Variants in ZNRF1 observed in about 807,000 individuals in gnomAD.
ZNRF1 encodes the protein E3 ubiquitin-protein ligase ZNRF1.
ZNRF1 carries 3 observed loss-of-function variants against 18.4 expected under a neutral mutation model. The ratio of observed to expected loss-of-function variants is 0.16; its 90% CI spans 0.07 to 0.42. The LOEUF (loss-of-function observed/expected upper bound fraction) is 0.42. Among genes scored for constraint, ZNRF1 ranks in the 10% least tolerant of loss-of-function variants. ZNRF1 has a pLI of 0.99. For synonymous variants in ZNRF1, 157 were observed against 144.2 expected, an observed-to-expected ratio of 1.09 and a Z score of -0.64; for missense variants, 310 against 329.8, an observed-to-expected ratio of 0.94 and a Z score of 0.47.
intron 1 of ZNRF1, among the ~76,000 whole-genome samples, chr16:75,037,456 G>A (rs1324354089): frequency 9.2e-5 from 14 of 152,096 alleles, no homozygotes; most frequent in Admixed American, 8.5e-4. Flanking sequence ...TCATGCCTCA[G>A]CCTCCCAAGT....
chr16:75,042,263 A>C (rs149589687), intron 1 of ZNRF1, among the ~76,000 whole-genome samples: 1 of 151,984 alleles, frequency 6.6e-6, no homozygotes, highest in Non-Finnish European at 1.5e-5. Flanking sequence ...TAATTTATCA[A>C]TTTTTTGCTT....
At chr16:75,040,025 G>C (rs1222017056) in intron 1 of ZNRF1, among the ~76,000 whole-genome samples, 1 of 109,810 alleles carries the variant, frequency 9.1e-6, no homozygotes, top group African/African-American at 3.8e-5. Flanking sequence ...AAAATCTTTT[G>C]TTTCTTTCTT....
In ZNRF1 at chr16:74,999,695, G is replaced by A; in HGVS notation, c.24G>A (p.Ala8=). The A allele has an allele frequency of 1.5e-6, 2 of 1,360,052 alleles. No homozygotes were observed. The highest frequency in any genetic ancestry group is 3.6e-5 in the South Asian group (2 of 56,086). The allele number at this position is 1,360,052 out of a possible 1,614,324, so 84.2% of individuals were successfully genotyped here. MGGKQST[A]ARSRGPFPGV... The stretch of plus-strand genomic sequence containing the variant: ...GCATGGGGGGCAAGCAGAGCACGGC[G>A]GCCCGCTCCCGGGGCCCCTTCCCGG... Residue 8 remains alanine, a synonymous_variant, in exon 1 of 5, where the codon GCG becomes GCA. Transcript: ENST00000335325.
chr16:75,106,376 G>T (rs1597914068), intron 3 of ZNRF1, 106 bp from the exon 4 acceptor site: 1 of 1,162,856 alleles, frequency 8.6e-7, no homozygotes, highest in East Asian at 2.4e-5. Context: ...CCTTTCAGAA[G>T]AGACTTAGGA....
At chr16:75,010,719 G>GTTTTTTTTTTTTTTTTTTTTTT (rs71158572) in intron 1 of ZNRF1, among the ~76,000 whole-genome samples, 1 of 85,060 alleles carries the variant, frequency 1.2e-5, no homozygotes, top group Admixed American at 1.4e-4. Context: ...TTGTTTTTTT[G>GTTTTTTTTTTTTTTTTTTTTTT]TTTTTTTTTT....
chr16:75,055,296 C>T (rs751364139), intron 1 of ZNRF1, among the ~76,000 whole-genome samples: 16 of 152,110 alleles, frequency 1.1e-4, no homozygotes, highest in Admixed American at 7.2e-4. Context: ...ATTTTTGAGG[C>T]GGAGTCTCGC....
At chr16:75,053,644 G>A (rs953526441) in intron 1 of ZNRF1, among the ~76,000 whole-genome samples, 2 of 151,692 alleles carry the variant, frequency 1.3e-5, no homozygotes, top group Non-Finnish European at 2.9e-5. Flanking sequence ...CACTATCAGG[G>A]GCTATTTGTG....
intron 2 of ZNRF1, among the ~76,000 whole-genome samples, chr16:75,096,494 C>T (rs2145424338): frequency 6.6e-6 from 1 of 152,234 alleles, no homozygotes; most frequent in Middle Eastern, 3.4e-3. Context: ...TGCATGTTAC[C>T]TTTTCTAATT....
At chr16:75,015,612 C>G (rs1265487491) in intron 1 of ZNRF1, among the ~76,000 whole-genome samples, 1 of 152,188 alleles carries the variant, frequency 6.6e-6, no homozygotes, top group East Asian at 1.9e-4. Context: ...AAGACAGGAT[C>G]TCACTCTGTT....
intron 1 of ZNRF1, chr16:75,002,471 G>A (rs907756515): frequency 9.2e-5 from 14 of 152,330 alleles, no homozygotes; most frequent in Admixed American, 9.2e-4. Context: ...TGATATGTTT[G>A]CTTGTGTTTT....
chr16:75,056,807 A>G (rs542625685), intron 1 of ZNRF1, among the ~76,000 whole-genome samples: 1 of 152,068 alleles, frequency 6.6e-6, no homozygotes, highest in African/African-American at 2.4e-5. Flanking sequence ...TTGTATTTTT[A>G]GTAGAGATGG....
chr16:75,025,512 C>T (rs1348049339), intron 1 of ZNRF1, among the ~76,000 whole-genome samples: 2 of 152,102 alleles, frequency 1.3e-5, no homozygotes, highest in African/African-American at 2.4e-5. Flanking sequence ...TGTTAGGGAC[C>T]ATATCTACCA....
At chr16:75,063,389 G>A (rs1186331349) in intron 1 of ZNRF1, among the ~76,000 whole-genome samples, 1 of 152,104 alleles carries the variant, frequency 6.6e-6, no homozygotes, top group African/African-American at 2.4e-5. Flanking sequence ...TTTGGGGTGG[G>A]CATCACCAGC....
chr16:75,054,739 A>G (rs1369636092), intron 1 of ZNRF1, among the ~76,000 whole-genome samples: 1 of 152,198 alleles, frequency 6.6e-6, no homozygotes, highest in African/African-American at 2.4e-5. Context: ...CCCTGATACT[A>G]ATCCTCCTGG....
In ZNRF1 at chr16:75,053,205, A is replaced by C. The variant is rs371511893; in HGVS notation, c.425-40367A>C. 8.5e-5 allele frequency among the ~76,000 whole-genome samples: 13 copies of C among 152,338 alleles called. 2 individuals are homozygous for C. The highest frequency in any genetic ancestry group is 7.7e-4 in the East Asian group (4 of 5,184). On this transcript the variant is annotated intron_variant, in intron 1 of 4. Transcript: ENST00000335325. Reference sequence around the variant, plus strand: ...GGTGGCTAGAACCTTAAAGTTAAACATCAATTATCTAAATATACATATAAG... The same window carrying C: ...GGTGGCTAGAACCTTAAAGTTAAACCTCAATTATCTAAATATACATATAAG...
Position 75,104,839 on chromosome 16 carries a change from G to A in ZNRF1, c.576G>A (p.Leu192=), listed in dbSNP as rs976447193. 24 of 1,611,240 alleles carry A rather than the reference G, an allele frequency of 1.5e-5. No individual in the cohort carries two copies. Among genetic ancestry groups the A allele is most frequent in the Non-Finnish European group, 1.9e-5 (22 of 1,179,180 alleles). ...GECVICLEEL[L]QGDTIARLPC... ...GTGTGATCTGCCTGGAGGAGCTGCTGCAGGGGGACACGATAGCCAGGCTGC... is the reference window on the plus strand; with the variant it reads ...GTGTGATCTGCCTGGAGGAGCTGCTACAGGGGGACACGATAGCCAGGCTGC... Residue 192 remains leucine, a synonymous_variant, in exon 3 of 5, where the codon CTG becomes CTA. Transcript: ENST00000335325.
chr16:75,005,768 T>A (rs1250312138), intron 1 of ZNRF1, among the ~76,000 whole-genome samples: 1 of 152,180 alleles, frequency 6.6e-6, no homozygotes, highest in Admixed American at 6.5e-5. Context: ...TATACTGTGA[T>A]AAAAGTTATG....
At chr16:75,032,554 A>T (rs2035320219) in intron 1 of ZNRF1, among the ~76,000 whole-genome samples, 1 of 151,972 alleles carries the variant, frequency 6.6e-6, no homozygotes, top group Non-Finnish European at 1.5e-5. Flanking sequence ...ACAAACAACA[A>T]CACAAAGAAA....
intron 3 of ZNRF1, 166 bp downstream of exon 3, chr16:75,105,055 G>A (rs1017644996): frequency 1.9e-5 from 11 of 583,102 alleles, no homozygotes; most frequent in Admixed American, 8.3e-5. Context: ...CTGTGCCGGC[G>A]GGAAGGTGCG....
Sources: gnomAD v4.1 joint callset for allele counts (sites outside exome capture counted in the v4.1 genomes callset) on GRCh38, gnomAD v4.1.1 for gene constraint, MANE v1.5 for transcripts, NCBI Gene and HGNC (gene_info 2026-07-23, HGNC 2026-07-21) for gene names.